UGGT2: variants seen among roughly 807,000 people sequenced by gnomAD.
The protein encoded by UGGT2 is UDP-glucose:glycoprotein glucosyltransferase 2.
In UGGT2, 180 loss-of-function variants were observed where a neutral mutation model predicts 192.1. That is an observed-to-expected ratio of 0.94 (90% CI 0.83 to 1.06). The LOEUF (loss-of-function observed/expected upper bound fraction) is 1.06, where lower values mean the gene tolerates loss of function less well. Ranked by LOEUF, UGGT2 falls within the 50% of genes least tolerant of loss-of-function variation. UGGT2 has a pLI of 0.00. For synonymous variants in UGGT2, 580 were observed against 591.0 expected (o/e 0.98, Z 0.27); for missense variants, 1,849 against 1,795.7 (o/e 1.03, Z -0.54).
Position 96,053,016 on chromosome 13 carries a change from T to C in UGGT2, c.158+139A>G, listed in dbSNP as rs868814463. 80 of 1,139,114 alleles carry C rather than the reference T, an allele frequency of 7.0e-5. No individual in the cohort carries two copies. In the African/African-American group the frequency reaches 1.1e-3, roughly 15 times the overall value. The allele number at this position is 1,139,114 out of a possible 1,614,324, so 70.6% of individuals were successfully genotyped here. On this transcript the variant is annotated intron_variant, in intron 1 of 38. Coordinates refer to ENST00000376747, the MANE Select transcript of UGGT2 (RefSeq NM_020121.4). ...CGCCCCGGGTCGGGAAGGAAGGAGG[T>C]GGTGATGCTCAGGGCCAGAGCGGGG...
At chr13:95,906,960 G>A (rs901121699) in intron 20 of UGGT2, among the ~76,000 whole-genome samples, 17 of 152,170 alleles carry the variant, frequency 1.1e-4, no homozygotes, top group African/African-American at 1.7e-4. Context: ...GCAGGGCATC[G>A]CCTCACCTGG....
intron 1 of UGGT2, among the ~76,000 whole-genome samples, chr13:96,033,215 A>C (rs1030075180): frequency 1.3e-5 from 2 of 152,218 alleles, no homozygotes; most frequent in Non-Finnish European, 2.9e-5. Context: ...CATACTGCCC[A>C]AAGTAATTTA....
chr13:95,958,023 T>G (rs1329476360), intron 12 of UGGT2, among the ~76,000 whole-genome samples: 1 of 152,224 alleles, frequency 6.6e-6, no homozygotes, highest in Non-Finnish European at 1.5e-5. Flanking sequence ...AACAAGTCAC[T>G]TCGTGTTCTA....
At chr13:95,912,900 A>G (rs1275047799) in intron 20 of UGGT2, among the ~76,000 whole-genome samples, 3 of 152,224 alleles carry the variant, frequency 2.0e-5, no homozygotes, top group African/African-American at 7.2e-5. Context: ...GTATAGACCA[A>G]TGGAACAGAA....
chr13:95,942,337 G>A (rs968375462), intron 15 of UGGT2, among the ~76,000 whole-genome samples: 1 of 151,774 alleles, frequency 6.6e-6, no homozygotes, highest in Non-Finnish European at 1.5e-5. Flanking sequence ...GTTTTTCAGT[G>A]TGGCTCTGCC....
Position 95,884,707 on chromosome 13 carries a change from A to G in UGGT2, c.3039-27T>C, listed in dbSNP as rs1167677065. On this transcript the variant is annotated intron_variant, in intron 26 of 38. Coordinates refer to ENST00000376747, the MANE Select transcript of UGGT2 (RefSeq NM_020121.4). ...TGTTAATAAAACATAAAAATACATA[A>G]TGTGACCAAAACTGAGATTTTTCTT... is the stretch of plus-strand genomic sequence containing the variant. 3 of 1,566,008 alleles carry G rather than the reference A, an allele frequency of 1.9e-6. No individual in the cohort carries two copies. The South Asian group carries it at 3.6e-5, about 19-fold the overall frequency.
rs760141936 is a variant in UGGT2, at chr13:95,894,656, T to C, written c.2761A>G (p.Met921Val). The C allele has an allele frequency of 2.5e-6, 4 of 1,611,062 alleles. No individual in the cohort carries two copies. The East Asian group carries it at 6.7e-5, about 27-fold the overall frequency. Residue 921 changes from methionine (M) to valine (V), a missense_variant and splice_region_variant, in exon 24 of 39, where the codon ATG becomes GTG. Physicochemically the swap from Met to Val is conservative, Grantham distance 21. Transcript: ENST00000376747. ...VENMGINANN[M>V]SDFIMKVDAL... Reference sequence around the variant, plus strand: ...TCAACTTTCATAATAAAGTCACTCATGCTAGATAAACAAGACAAACAGTGT... The same window carrying C: ...TCAACTTTCATAATAAAGTCACTCACGCTAGATAAACAAGACAAACAGTGT...
chr13:95,932,190 G>A (rs546494903), intron 17 of UGGT2, among the ~76,000 whole-genome samples: 13 of 152,202 alleles, frequency 8.5e-5, no homozygotes, highest in Non-Finnish European at 1.6e-4. Context: ...CTTCCAATCC[G>A]TGAGCATGGA....
At chr13:95,831,520 C>T (rs1247165610) in intron 38 of UGGT2, among the ~76,000 whole-genome samples, 1 of 152,064 alleles carries the variant, frequency 6.6e-6, no homozygotes, top group East Asian at 1.9e-4. Context: ...AACCAATTGT[C>T]TATTGATGGA....
chr13:95,951,148 TTAGGGTATATGTTCCAA>T (rs1436839269), intron 12 of UGGT2, among the ~76,000 whole-genome samples: 2 of 152,058 alleles, frequency 1.3e-5, no homozygotes, highest in Non-Finnish European at 2.9e-5. Flanking sequence ...ACAGAGGAAT[TTAGGGTATATGTTCCAA>T]TAGCTAAAAG....
At chr13:96,018,101 C>A (rs978365534) in intron 4 of UGGT2, among the ~76,000 whole-genome samples, 2 of 152,182 alleles carry the variant, frequency 1.3e-5, no homozygotes, top group Non-Finnish European at 2.9e-5. Context: ...CCACTTAGAA[C>A]AAGAACATGC....
intron 4 of UGGT2, among the ~76,000 whole-genome samples, chr13:96,014,789 T>C (rs1400473958): frequency 6.6e-6 from 1 of 152,174 alleles, no homozygotes; most frequent in Non-Finnish European, 1.5e-5. Flanking sequence ...CATGAAACTA[T>C]TAAAATTATT....
intron 15 of UGGT2, among the ~76,000 whole-genome samples, chr13:95,941,765 T>C (rs903387729): frequency 6.6e-6 from 1 of 152,190 alleles, no homozygotes; most frequent in Non-Finnish European, 1.5e-5. Flanking sequence ...ATACACATTA[T>C]GAGGCATAAA....
chr13:95,951,798 A>G (rs1204303065), intron 12 of UGGT2, among the ~76,000 whole-genome samples: 1 of 152,098 alleles, frequency 6.6e-6, no homozygotes, highest in Non-Finnish European at 1.5e-5. Context: ...TGTAGTACAA[A>G]ATACATATTA....
At chr13:95,824,116 C>A (rs1354705640) in intron 38 of UGGT2, among the ~76,000 whole-genome samples, 1 of 152,064 alleles carries the variant, frequency 6.6e-6, no homozygotes, top group East Asian at 1.9e-4. Context: ...AAAGATAGGA[C>A]CCCATTTCCC....
chr13:95,877,907 C>A lies in UGGT2; in HGVS notation c.3229-51G>T, dbSNP rs921973562. The A allele has an allele frequency of 2.0e-6, 3 of 1,516,614 alleles. No homozygotes were observed. The African/African-American group carries it at 4.2e-5, about 21-fold the overall frequency. 93.9% of individuals were successfully genotyped at this position (1,516,614 alleles called of 1,614,324 possible). ...TTGGTGTTATGTAAAACTCATAATA[C>A]AAAATTTTGAAATAAATAAATGTGA... On this transcript the variant is annotated intron_variant, in intron 27 of 38. Coordinates refer to ENST00000376747, the MANE Select transcript of UGGT2 (RefSeq NM_020121.4).
At chr13:96,026,659 CTTTTTTTTTTTT>C (rs71211702) in intron 2 of UGGT2, among the ~76,000 whole-genome samples, 1 of 101,536 alleles carries the variant, frequency 9.8e-6, no homozygotes, top group Non-Finnish European at 1.9e-5. Flanking sequence ...TTTCACTCTT[CTTTTTTTTTTTT>C]TTTTTTTTTT....
chr13:96,010,272 G>A (rs1367188319), intron 5 of UGGT2, among the ~76,000 whole-genome samples: 1 of 152,192 alleles, frequency 6.6e-6, no homozygotes, highest in Non-Finnish European at 1.5e-5. Context: ...TAAAGAAAAT[G>A]TGGTACATAT....
chr13:95,887,105 T>A (rs1168607870), intron 26 of UGGT2, among the ~76,000 whole-genome samples: 1 of 152,186 alleles, frequency 6.6e-6, no homozygotes, highest in Non-Finnish European at 1.5e-5. Context: ...ATCTATAGTA[T>A]GTCAGTTGTA....
Sources: allele counts gnomAD v4.1 joint callset (sites outside exome capture counted in the v4.1 genomes callset), GRCh38; gene constraint gnomAD v4.1.1; transcripts MANE v1.5; gene names NCBI Gene and HGNC (gene_info 2026-07-23, HGNC 2026-07-21).